Variants in NADSYN1 observed in about 807,000 individuals in gnomAD.
NADSYN1 encodes glutamine-dependent NAD(+) synthetase.
NADSYN1 carries 80 observed loss-of-function variants against 99.3 expected under a neutral mutation model. The ratio of observed to expected loss-of-function variants is 0.81; its 90% CI spans 0.67 to 0.97. NADSYN1 has a LOEUF of 0.97. Among genes scored for constraint, NADSYN1 ranks in the 50% least tolerant of loss-of-function variants. NADSYN1 has a pLI of 0.00. For synonymous variants in NADSYN1, 385 were observed against 372.1 expected (o/e 1.03, Z -0.40); for missense variants, 859 against 948.5 (o/e 0.91, Z 1.24).
intron 9 of NADSYN1, chr11:71,476,290 G>A (rs1439222245): frequency 5.6e-6 from 2 of 358,290 alleles, no homozygotes; most frequent in East Asian, 7.4e-5. Context: ...CGAGGCAGGC[G>A]GTAGCACCGG....
Position 71,482,941 on chromosome 11 carries a change from A to C in NADSYN1, c.1243A>C (p.Thr415Pro). ...AGACCTCTGTGGACGCATACTGACCACCTGCTACATGGCCAGCAAGAACTC... is the reference window on the plus strand; with the variant it reads ...AGACCTCTGTGGACGCATACTGACCCCCTGCTACATGGCCAGCAAGAACTC... The part of the protein sequence containing the change: ...PRDLCGRILT[T>P]CYMASKNSSQ... Residue 415 changes from threonine (T) to proline (P), a missense_variant, in exon 14 of 21, where the codon ACC becomes CCC. Physicochemically the swap from Thr to Pro is conservative, Grantham distance 38. Coordinates refer to ENST00000319023, the MANE Select transcript of NADSYN1 (RefSeq NM_018161.5). 1 of 1,613,148 alleles carries C rather than the reference A, an allele frequency of 6.2e-7. No homozygotes were observed.
Position 71,478,451 on chromosome 11 carries a change from T to A in NADSYN1, c.855T>A (p.Ile285=), listed in dbSNP as rs758956952. The change falls in exon 10 of 21, where the codon ATT becomes ATA. Residue 285 remains isoleucine (I), a synonymous_variant. Coordinates refer to ENST00000319023, the MANE Select transcript of NADSYN1 (RefSeq NM_018161.5). The part of the protein sequence containing the change: ...LEDVRSYRAE[I]SSRNLAASRA... ...ACGTCCGGAGCTACAGGGCGGAGAT[T>A]TCATCTCGAAACCTGGCGGTGAGTG... 23 of 1,607,700 alleles carry A rather than the reference T, an allele frequency of 1.4e-5. No individual in the cohort carries two copies. The highest frequency in any genetic ancestry group is 1.9e-5 in the Non-Finnish European group (22 of 1,177,268).
At chr11:71,471,327 T>G (rs776964733) in intron 5 of NADSYN1, among the ~76,000 whole-genome samples, 1 of 152,202 alleles carries the variant, frequency 6.6e-6, no homozygotes, top group Non-Finnish European at 1.5e-5. Context: ...CAAGAAATGG[T>G]CATGTTCAGC....
chr11:71,468,673 T>G (rs1348223574), intron 5 of NADSYN1, among the ~76,000 whole-genome samples: 1 of 152,180 alleles, frequency 6.6e-6, no homozygotes, highest in African/African-American at 2.4e-5. Flanking sequence ...TCACTACAAA[T>G]AAAAATGGAT....
intron 3 of NADSYN1, chr11:71,460,211 C>G (rs1949542214): frequency 6.6e-6 from 1 of 152,386 alleles, no homozygotes; most frequent in Non-Finnish European, 1.5e-5. Flanking sequence ...TGCAGCGCCT[C>G]AGGTAACATA....
intron 16 of NADSYN1, among the ~76,000 whole-genome samples, chr11:71,487,830 C>CAAAAAAA (rs71049984): frequency 5.0e-5 from 4 of 80,072 alleles, no homozygotes; most frequent in Non-Finnish European, 7.2e-5. Flanking sequence ...GACTCCGTCT[C>CAAAAAAA]AAAAAAAAAA....
chr11:71,456,327 A>G (rs1180149169), intron 2 of NADSYN1, among the ~76,000 whole-genome samples: 1 of 152,172 alleles, frequency 6.6e-6, no homozygotes, highest in Admixed American at 6.5e-5. Flanking sequence ...TCTTCATTTG[A>G]TTGATTCTTT....
At chr11:71,483,730 A>G (rs1357657203) in intron 14 of NADSYN1, among the ~76,000 whole-genome samples, 2 of 152,202 alleles carry the variant, frequency 1.3e-5, no homozygotes, top group Non-Finnish European at 2.9e-5. Context: ...CCGAACAGAT[A>G]CTTGTTCAGG....
intron 11 of NADSYN1, 121 bp from the exon 12 acceptor site, chr11:71,481,235 C>A: frequency 2.0e-6 from 2 of 978,336 alleles, no homozygotes; most frequent in Admixed American, 2.0e-5. Flanking sequence ...CAGAGACGGG[C>A]GTCCTGAGAG....
At position 71,473,159 on chromosome 11, in the gene NADSYN1, C is replaced by T. The variant is rs572610641; in HGVS notation, c.460-119C>T. 3.6e-4 allele frequency: 352 copies of T among 971,646 alleles called. 2 individuals carry two copies. The highest frequency in any genetic ancestry group is 3.2e-3 in the South Asian group (222 of 69,714). 60.2% of individuals were successfully genotyped at this position (971,646 alleles called of 1,614,324 possible). ...AGGGCACCCACCTCTTCGGAATGTG[C>T]GAGAGCCCAGAGCCAACTCCAGCTC... On this transcript the variant is annotated intron_variant, in intron 6 of 20. Coordinates refer to ENST00000319023, the MANE Select transcript of NADSYN1 (RefSeq NM_018161.5).
chr11:71,462,209 G>T (rs1394039709), intron 3 of NADSYN1, among the ~76,000 whole-genome samples: 2 of 152,092 alleles, frequency 1.3e-5, no homozygotes, highest in Non-Finnish European at 2.9e-5. Flanking sequence ...TGGAAAAGCC[G>T]ACCAGCATGA....
chr11:71,493,870 G>A (rs779367456), intron 18 of NADSYN1, among the ~76,000 whole-genome samples: 3 of 152,180 alleles, frequency 2.0e-5, no homozygotes, highest in Middle Eastern at 3.4e-3. Flanking sequence ...GGTGGCTCAC[G>A]CCTGTAATCC....
rs931487132 is a variant in NADSYN1, at chr11:71,498,645, C to T, written c.2070+117C>T. ...TATACACAGTAACTTTTTTACTGTC[C>T]TCCTTTCTGCAAAGGGACAAGTATG... is the stretch of plus-strand genomic sequence containing the variant. On this transcript the variant is annotated intron_variant, in intron 20 of 20. Transcript: ENST00000319023. The T allele has an allele frequency of 8.7e-5, 98 of 1,127,760 alleles. No homozygotes were observed. The African/African-American group carries it at 1.3e-3, about 15-fold the overall frequency. 69.9% of individuals were successfully genotyped at this position (1,127,760 alleles called of 1,614,324 possible). A position where few individuals can be genotyped will look rare whatever the true frequency, so the allele number is the denominator to read the frequency against.
chr11:71,469,610 G>A (rs938942949), intron 5 of NADSYN1, among the ~76,000 whole-genome samples: 2 of 152,198 alleles, frequency 1.3e-5, no homozygotes, highest in Non-Finnish European at 2.9e-5. Context: ...GCAGGAACAT[G>A]TCCTTAAGGC....
chr11:71,501,495 C>A lies in NADSYN1; in HGVS notation c.*143C>A. On this transcript the variant is annotated 3_prime_UTR_variant, in exon 21 of 21. Transcript: ENST00000319023. ...GCCGAGAGGGAGGGAACTTTTCAGT[C>A]AAATTCCTCAAAAAGAGGCTGGAAT... 2.9e-6 allele frequency: 2 copies of A among 685,274 alleles called. No homozygotes were observed. The highest frequency in any genetic ancestry group is 4.8e-6 in the Non-Finnish European group (2 of 418,184). 42.4% of individuals were successfully genotyped at this position (685,274 alleles called of 1,614,324 possible).
intron 18 of NADSYN1, 166 bp from the exon 19 acceptor site, chr11:71,497,317 C>G: frequency 2.6e-6 from 2 of 755,752 alleles, no homozygotes; most frequent in Non-Finnish European, 4.2e-6. Flanking sequence ...CAAATGCTAC[C>G]TCCTTACTGG....
intron 5 of NADSYN1, among the ~76,000 whole-genome samples, chr11:71,469,779 G>T (rs1949615019): frequency 1.3e-5 from 2 of 152,088 alleles, no homozygotes; most frequent in Admixed American, 6.5e-5. Context: ...CAGAGATTTT[G>T]TTTATAGATC....
chr11:71,488,524 AGT>A (rs1229006031), intron 16 of NADSYN1, among the ~76,000 whole-genome samples: 1 of 152,122 alleles, frequency 6.6e-6, no homozygotes, highest in Non-Finnish European at 1.5e-5. Flanking sequence ...TGTTTTGGAA[AGT>A]GTGCGGCGTG....
rs780945941 is a variant in NADSYN1 at position 71,463,427 on chromosome 11, T to G, written c.264-5T>G. On this transcript the variant is annotated splice_polypyrimidine_tract_variant and splice_region_variant and intron_variant, in intron 3 of 20. Coordinates refer to ENST00000319023, the MANE Select transcript of NADSYN1 (RefSeq NM_018161.5). ...ACACACATGTACCTCCCCTCTCTCC[T>G]GCAGGCCTGTAATGCACCGAAACGT... The G allele has an allele frequency of 1.2e-4, 191 of 1,613,760 alleles. No homozygotes were observed. The highest frequency in any genetic ancestry group is 1.5e-4 in the Non-Finnish European group (177 of 1,179,798).
Sources: gnomAD v4.1 joint callset for allele counts (sites outside exome capture counted in the v4.1 genomes callset) on GRCh38, gnomAD v4.1.1 for gene constraint, MANE v1.5 for transcripts, NCBI Gene and HGNC (gene_info 2026-07-23, HGNC 2026-07-21) for gene names.